Variants in C4orf50 observed in about 807,000 individuals in gnomAD.
The protein encoded by C4orf50 is uncharacterized protein C4orf50.
In C4orf50, 80 loss-of-function variants were observed where a neutral mutation model predicts 77.2. That is an observed-to-expected ratio of 1.04 (90% confidence interval 0.87 to 1.25). C4orf50 has a LOEUF of 1.25. Ranked by LOEUF, C4orf50 falls within the 50% of genes most tolerant of loss-of-function variation. The pLI is 0.00. For missense variants in C4orf50, 1,257 were observed against 1,152.9 expected (o/e 1.09, Z -1.31); for synonymous variants, 532 against 465.3 (o/e 1.14, Z -1.84).
chr4:5,981,164 C>T (rs2108781807), intron 28 of C4orf50, among the ~76,000 whole-genome samples: 1 of 152,250 alleles, frequency 6.6e-6, no homozygotes, highest in African/African-American at 2.4e-5. Context: ...TTGTTTTCTG[C>T]TTTTCTCCCT....
At chr4:5,988,253 C>A in intron 28 of C4orf50, 94 bp downstream of exon 6, 1 of 1,494,454 alleles carries the variant, frequency 6.7e-7, no homozygotes, top group Non-Finnish European at 9.1e-7. Context: ...TTGTACCTCC[C>A]TCACAGGACT....
intron 33 of C4orf50, among the ~76,000 whole-genome samples, chr4:5,964,423 G>A (rs142186849): frequency 7.5e-6 from 1 of 133,278 alleles, no homozygotes; most frequent in African/African-American, 2.9e-5. Flanking sequence ...ATACTGTCAG[G>A]CCTCAAATTG....
At chr4:6,004,326 G>A (rs868734305) in intron 25 of C4orf50, among the ~76,000 whole-genome samples, 2 of 93,726 alleles carry the variant, frequency 2.1e-5, no homozygotes, top group Non-Finnish European at 4.2e-5. Context: ...TGATCGTAAT[G>A]GTGATGATGG....
At position 5,974,063 on chromosome 4, in the gene C4orf50, T is replaced by G. The variant is rs368865892; in HGVS notation, c.3922-222A>C. Reference sequence around the variant, plus strand: ...ACCCCCAGGGGCTCCGCACTGCCCTTTCCATGGGGTCTAGGCTCAAGGCAG... The same window carrying G: ...ACCCCCAGGGGCTCCGCACTGCCCTGTCCATGGGGTCTAGGCTCAAGGCAG... On this transcript the variant is annotated intron_variant, in intron 30 of 33. Transcript: ENST00000531445. Among the ~76,000 whole-genome samples, 347 of 152,246 alleles carry G rather than the reference T, an allele frequency of 2.3e-3. 1 individual carries two copies. Among genetic ancestry groups the G allele is most frequent in the African/African-American group, 8.0e-3 (331 of 41,566 alleles).
In C4orf50 at chr4:5,932,106, C is replaced by A. The variant is rs986948080; in HGVS notation, c.*2474+24795G>T. The stretch of plus-strand genomic sequence containing the variant: ...TTTCCGTGCAATGTTTGGCCTCTTG[C>A]CCCCCTCTCAGCTGAGGAAGGCAGG... On this transcript the variant is annotated intron_variant, in intron 7 of 7. Transcript: ENST00000324058. The surrounding 1 kb of genome is among the most constrained non-coding windows in gnomAD (Gnocchi z 4.2). Among the ~76,000 whole-genome samples the A allele has an allele frequency of 7.2e-6, 1 of 139,238 alleles. No individual in the cohort carries two copies. The allele number at this position is 139,238 out of a possible 152,430, so 91.3% of individuals were successfully genotyped here. A position where few individuals can be genotyped will look rare whatever the true frequency, so the allele number is the denominator to read the frequency against.
At chr4:5,988,616 G>A in exon 28 of C4orf50, 1 of 1,536,202 alleles carries the variant, frequency 6.5e-7, no homozygotes, top group East Asian at 2.4e-5. Context: ...GCTCTTGAAA[G>A]CAGCTGTCCT....
Position 5,901,268 on chromosome 4 carries a change from G to A in C4orf50, c.*2475-3080C>T, listed in dbSNP as rs1223184186. ...TATAATAAATGTGCATTATATTAAT[G>A]ACATGAGTAAAGTATATGCACAACA... On this transcript the variant is annotated intron_variant, in intron 7 of 7. Coordinates refer to the C4orf50 transcript ENST00000324058. This position sits in a 1 kb window ranked among gnomAD's most constrained non-coding sequence, Gnocchi z 4.4. 2 of 152,192 alleles carry A rather than the reference G, an allele frequency of 1.3e-5. No individual in the cohort carries two copies. The highest frequency in any genetic ancestry group is 3.8e-4 in the East Asian group (2 of 5,196). 9.4% of individuals were successfully genotyped at this position (152,192 alleles called of 1,614,324 possible). A position where few individuals can be genotyped will look rare whatever the true frequency, so the allele number is the denominator to read the frequency against.
At position 6,008,435 on chromosome 4, in the gene C4orf50, G is replaced by A. The variant is rs33998005; in HGVS notation, c.524C>T (p.Ala175Val). 2 of 396,220 alleles carry A rather than the reference G, an allele frequency of 5.0e-6. No homozygotes were observed. Among genetic ancestry groups the A allele is most frequent in the East Asian group, 3.6e-5 (1 of 27,914 alleles). 24.5% of individuals were successfully genotyped at this position (396,220 alleles called of 1,614,324 possible). The change falls in exon 25 of 34, where the codon GCG becomes GTG. Residue 175 changes from alanine to valine, a missense_variant. Coordinates refer to ENST00000531445, the Ensembl canonical transcript of C4orf50. This position sits in a 1 kb window ranked among gnomAD's most constrained non-coding sequence, Gnocchi z 6.0. ...GGTCCGCCGGCAGCGCTCCAGGGCC[G>A]CCGCCTGCTGCCCCAGTGCCTCGTC...
rs768836698 is a variant in C4orf50 at position 6,018,024 on chromosome 4, C to T, written c.287+121G>A. ...GGCAAGTGACTGCGTGGGCAGGTTA[C>T]GTGTCTTTGGTGAGCCAGTTTCCCC... On this transcript the variant is annotated intron_variant, in intron 23 of 33. Coordinates refer to ENST00000531445, the Ensembl canonical transcript of C4orf50. This position sits in a 1 kb window ranked among gnomAD's most constrained non-coding sequence, Gnocchi z 5.1. The T allele has an allele frequency of 1.3e-5, 5 of 397,380 alleles. No individual in the cohort carries two copies. The East Asian group carries it at 1.4e-4, about 11-fold the overall frequency. The allele number at this position is 397,380 out of a possible 1,614,324, so 24.6% of individuals were successfully genotyped here. A position where few individuals can be genotyped will look rare whatever the true frequency, so the allele number is the denominator to read the frequency against.
chr4:6,011,344 G>A lies in C4orf50; in HGVS notation c.426+486C>T, dbSNP rs778733329. 4.6e-5 allele frequency among the ~76,000 whole-genome samples: 7 copies of A among 152,136 alleles called. No homozygotes were observed. In the South Asian group the frequency reaches 8.3e-4, roughly 18 times the overall value. ...TCCCACACCTCTGTGCTACGGCCCC[G>A]TGCTGTCAGCCACGCCTCACATGCC... On this transcript the variant is annotated intron_variant, in intron 24 of 33. Transcript: ENST00000531445. The surrounding 1 kb of genome is among the most constrained non-coding windows in gnomAD (Gnocchi z 4.2).
chr4:5,900,927 C>G lies in C4orf50; in HGVS notation c.*2475-2739G>C, dbSNP rs1251387901. The G allele has an allele frequency of 6.6e-6, 1 of 152,224 alleles. No individual in the cohort carries two copies. Among genetic ancestry groups the G allele is most frequent in the African/African-American group, 2.4e-5 (1 of 41,464 alleles). The allele number at this position is 152,224 out of a possible 1,614,324, so 9.4% of individuals were successfully genotyped here. A position where few individuals can be genotyped will look rare whatever the true frequency, so the allele number is the denominator to read the frequency against. On this transcript the variant is annotated intron_variant, in intron 7 of 7. Transcript: ENST00000324058. The surrounding 1 kb of genome is among the most constrained non-coding windows in gnomAD (Gnocchi z 4.3). ...GAGCACACAGCCCATGTGTGTCACC[C>G]TCTGTATGTCACCATGTGTGTCACC...
rs1005308329 is a variant in C4orf50 at position 6,011,593 on chromosome 4, G to A, written c.426+237C>T. On this transcript the variant is annotated intron_variant, in intron 24 of 33. Transcript: ENST00000531445. This position sits in a 1 kb window ranked among gnomAD's most constrained non-coding sequence, Gnocchi z 4.2. ...TCCTGTCCTCAGTCTGTGGCCTGGCGCTGAGGTCCTCAGGCACAAGAGCTT... is the reference window on the plus strand; with the variant it reads ...TCCTGTCCTCAGTCTGTGGCCTGGCACTGAGGTCCTCAGGCACAAGAGCTT... Among the ~76,000 whole-genome samples, 4 of 152,098 alleles carry A rather than the reference G, an allele frequency of 2.6e-5. No individual in the cohort carries two copies. The highest frequency in any genetic ancestry group is 5.9e-5 in the Non-Finnish European group (4 of 68,028).
At chr4:6,014,837 T>C (rs1177731815) in intron 23 of C4orf50, among the ~76,000 whole-genome samples, 7 of 152,168 alleles carry the variant, frequency 4.6e-5, no homozygotes, top group South Asian at 4.1e-4. Context: ...TTCTGCAAGA[T>C]GGTGTACCCC....
chr4:5,897,802 T>A (rs1577863252), exon 8 of C4orf50: 1 of 152,168 alleles, frequency 6.6e-6, no homozygotes. Flanking sequence ...CCAGTGAACA[T>A]CTCCACGGAC....
chr4:5,995,566 G>T (rs1193777417), intron 25 of C4orf50, among the ~76,000 whole-genome samples: 1 of 151,558 alleles, frequency 6.6e-6, no homozygotes, highest in African/African-American at 2.4e-5. Context: ...GGTCTCCTCT[G>T]GGTTCCCACA....
exon 29 of C4orf50, chr4:5,980,194 G>C: frequency 6.2e-7 from 1 of 1,601,614 alleles, no homozygotes; most frequent in East Asian, 2.3e-5. Flanking sequence ...AGCTCCTCCT[G>C]GAGGCGGGTG....
intron 29 of C4orf50, 128 bp from the exon 8 acceptor site, chr4:5,976,083 G>A: frequency 1.4e-6 from 1 of 707,256 alleles, no homozygotes; most frequent in South Asian, 1.6e-5. Context: ...GGGACTCAGT[G>A]CCAGGAACAG....
chr4:5,973,788 G>T (rs1577952205), exon 31 of C4orf50: 1 of 1,613,752 alleles, frequency 6.2e-7, no homozygotes, highest in African/African-American at 1.3e-5. Context: ...GCAGCAGGTG[G>T]GTGATCAGGC....
At chr4:5,927,692 T>C (rs1486834237) in intron 7 of C4orf50, among the ~76,000 whole-genome samples, 1 of 152,090 alleles carries the variant, frequency 6.6e-6, no homozygotes, top group Admixed American at 6.5e-5. Flanking sequence ...CTTCCCCTTC[T>C]CCTTCTGCCA....
Sources: gnomAD v4.1 joint callset for allele counts (sites outside exome capture counted in the v4.1 genomes callset) on GRCh38, gnomAD v4.1.1 for gene constraint, Gnocchi (gnomAD v3.1) non-coding constraint, MANE v1.5 for transcripts, NCBI Gene and HGNC (gene_info 2026-07-23, HGNC 2026-07-21) for gene names.